The following ERBIN variants were observed in gnomAD, a reference collection of about 807,000 sequenced individuals.
ERBIN encodes densin-180-like protein.
ERBIN carries 60 observed loss-of-function variants against 158.4 expected under a neutral mutation model. The ratio of observed to expected loss-of-function variants is 0.38; its 90% CI spans 0.31 to 0.47. ERBIN has a LOEUF of 0.47. Ranked by LOEUF, ERBIN falls within the 20% of genes least tolerant of loss-of-function variation. The pLI, the probability that ERBIN is intolerant of heterozygous loss-of-function variation, is 0.99. For synonymous variants in ERBIN, 594 were observed against 557.2 expected (o/e 1.07, Z -0.93); for missense variants, 1,610 against 1,648.0 (o/e 0.98, Z 0.40).
chr5:65,949,638 TA>T (rs1215531131), intron 1 of ERBIN, among the ~76,000 whole-genome samples: 3 of 152,244 alleles, frequency 2.0e-5, no homozygotes, highest in Non-Finnish European at 4.4e-5. Flanking sequence ...AACTGCTAAA[TA>T]GTCCAGAGGA....
intron 1 of ERBIN, among the ~76,000 whole-genome samples, chr5:65,969,781 T>C (rs1033638074): frequency 6.6e-6 from 1 of 152,170 alleles, no homozygotes; most frequent in Non-Finnish European, 1.5e-5. Flanking sequence ...AAAAACCACA[T>C]ATAAACATAG....
intron 21 of ERBIN, among the ~76,000 whole-genome samples, chr5:66,056,471 C>T (rs888333807): frequency 1.3e-5 from 2 of 150,736 alleles, no homozygotes; most frequent in African/African-American, 2.4e-5. Flanking sequence ...TCCTGTCTGA[C>T]AGATATACCT....
intron 1 of ERBIN, among the ~76,000 whole-genome samples, chr5:65,954,901 C>A (rs532417939): frequency 5.4e-4 from 82 of 151,944 alleles, no homozygotes; most frequent in African/African-American, 1.8e-3. Context: ...TCCGTCTCTA[C>A]TAAAAATACA....
At chr5:66,071,369 A>AAAAG (rs376516733) in intron 21 of ERBIN, among the ~76,000 whole-genome samples, 29 of 152,016 alleles carry the variant, frequency 1.9e-4, no homozygotes, top group Middle Eastern at 3.4e-3. Flanking sequence ...ACTCTCTCCA[A>AAAAG]AAAGAAAGAA....
intron 4 of ERBIN, among the ~76,000 whole-genome samples, chr5:66,006,688 A>G (rs990859883): frequency 8.5e-5 from 13 of 152,100 alleles, no homozygotes; most frequent in African/African-American, 3.1e-4. Context: ...AACTCAAACA[A>G]ATTTACAAGA....
intron 1 of ERBIN, among the ~76,000 whole-genome samples, chr5:65,941,826 C>G (rs867802159): frequency 6.6e-6 from 1 of 152,082 alleles, no homozygotes; most frequent in African/African-American, 2.4e-5. Flanking sequence ...CTGCAAGCTC[C>G]GCCTCCCAGA....
At chr5:65,982,246 G>T (rs1750739830) in intron 1 of ERBIN, among the ~76,000 whole-genome samples, 1 of 152,100 alleles carries the variant, frequency 6.6e-6, no homozygotes, top group Admixed American at 6.6e-5. Context: ...ACCCCAAATT[G>T]GAAAACCTGA....
At chr5:65,990,927 A>AT (rs1751810804) in intron 2 of ERBIN, among the ~76,000 whole-genome samples, 1 of 151,774 alleles carries the variant, frequency 6.6e-6, no homozygotes, top group South Asian at 2.1e-4. Context: ...CGCCTGGCTA[A>AT]TTTTTTTGTA....
chr5:66,043,400 A>T (rs1436529115), intron 16 of ERBIN, among the ~76,000 whole-genome samples: 1 of 152,178 alleles, frequency 6.6e-6, no homozygotes, highest in African/African-American at 2.4e-5. Context: ...TTTAAAGCTA[A>T]ATTTCATAGT....
In ERBIN at chr5:66,076,856, A is replaced by T. The variant is rs2151310475; in HGVS notation, c.4057-19A>T. On this transcript the variant is annotated intron_variant, in intron 24 of 25. Coordinates refer to ENST00000284037, the MANE Select transcript of ERBIN (RefSeq NM_001253697.2). ...TATACATACTGTTTTTAGTTAAATAATTTTTTTTGTTGTTAAAGGGTATAT... is the reference window on the plus strand; with the variant it reads ...TATACATACTGTTTTTAGTTAAATATTTTTTTTTGTTGTTAAAGGGTATAT... 1.3e-6 allele frequency: 2 copies of T among 1,570,910 alleles called. No individual in the cohort carries two copies. Among genetic ancestry groups the T allele is most frequent in the South Asian group, 1.1e-5 (1 of 87,208 alleles).
At position 66,074,914 on chromosome 5, in the gene ERBIN, A is replaced by T. The variant is rs777274061; in HGVS notation, c.3757-110A>T. On this transcript the variant is annotated intron_variant, in intron 22 of 25. Coordinates refer to ENST00000284037, the MANE Select transcript of ERBIN (RefSeq NM_001253697.2). ...TAAGTGGCATGGTATTGTTTGACTT[A>T]ATTAGAATGTGAAAACTCTAGTGCT... 12 of 886,344 alleles carry T rather than the reference A, an allele frequency of 1.4e-5. No homozygotes were observed. In the East Asian group the frequency reaches 2.6e-4, roughly 19 times the overall value. The allele number at this position is 886,344 out of a possible 1,614,324, so 54.9% of individuals were successfully genotyped here. A position where few individuals can be genotyped will look rare whatever the true frequency, so the allele number is the denominator to read the frequency against.
intron 2 of ERBIN, among the ~76,000 whole-genome samples, chr5:65,992,264 C>T (rs1352174046): frequency 1.3e-5 from 2 of 152,074 alleles, no homozygotes; most frequent in Non-Finnish European, 2.9e-5. Context: ...ATTCTCCTGC[C>T]TCAGCCTCCC....
intron 14 of ERBIN, among the ~76,000 whole-genome samples, chr5:66,031,542 A>G (rs943770250): frequency 2.6e-5 from 4 of 152,234 alleles, no homozygotes; most frequent in African/African-American, 9.6e-5. Flanking sequence ...CTCTCAAAAG[A>G]GGAACGGGGC....
chr5:65,958,153 G>A (rs1174530816), intron 1 of ERBIN, among the ~76,000 whole-genome samples: 963 of 114,536 alleles, frequency 8.4e-3, no homozygotes, highest in South Asian at 9.3e-3. Flanking sequence ...GCCGGGCAGA[G>A]GGGCTCCTCA....
At chr5:65,945,075 T>G (rs1201816411) in intron 1 of ERBIN, among the ~76,000 whole-genome samples, 2 of 152,236 alleles carry the variant, frequency 1.3e-5, no homozygotes, top group African/African-American at 4.8e-5. Context: ...ACCTCTTAGC[T>G]TAGGAAGTTG....
chr5:65,950,693 G>A (rs1017819509), intron 1 of ERBIN, among the ~76,000 whole-genome samples: 13 of 152,114 alleles, frequency 8.5e-5, no homozygotes, highest in African/African-American at 2.9e-4. Context: ...CAAATAATTT[G>A]CAGGCATGTT....
chr5:65,960,086 TGTCA>T (rs1055140742), intron 1 of ERBIN, among the ~76,000 whole-genome samples: 3 of 152,386 alleles, frequency 2.0e-5, no homozygotes, highest in South Asian at 2.1e-4. Flanking sequence ...ACAGCTCTGC[TGTCA>T]GTCAGCAGAA....
intron 1 of ERBIN, chr5:65,961,367 C>T (rs1196145556): frequency 6.6e-6 from 1 of 152,120 alleles, no homozygotes; most frequent in Non-Finnish European, 1.5e-5. Flanking sequence ...TTATTTATAT[C>T]GTTTTCCCAT....
intron 1 of ERBIN, among the ~76,000 whole-genome samples, chr5:65,930,999 C>T (rs182897079): frequency 3.5e-4 from 49 of 140,778 alleles, no homozygotes; most frequent in Non-Finnish European, 4.1e-4. Flanking sequence ...GTGTGGAAGA[C>T]GATAGAAAAG....
Sources: gnomAD v4.1 joint callset for allele counts (sites outside exome capture counted in the v4.1 genomes callset) on GRCh38, gnomAD v4.1.1 for gene constraint, MANE v1.5 for transcripts, NCBI Gene and HGNC (gene_info 2026-07-23, HGNC 2026-07-21) for gene names.